TEAD1: variants seen among roughly 807,000 people sequenced by gnomAD.
TEAD1 encodes transcriptional enhancer factor TEF-1.
A neutral mutation model predicts 54.9 loss-of-function variants in TEAD1; 9 were observed. The observed-to-expected ratio is 0.16, with a 90% confidence interval of 0.10 to 0.29. The LOEUF is 0.29. TEAD1 is among the 10% of genes least tolerant of loss of function. The pLI is 1.00. For synonymous variants in TEAD1, 200 were observed against 187.8 expected (o/e 1.07, Z -0.53); for missense variants, 387 against 535.9 (o/e 0.72, Z 2.74).
At chr11:12,923,400 G>A (rs1004673653) in intron 10 of TEAD1, among the ~76,000 whole-genome samples, 26 of 152,106 alleles carry the variant, frequency 1.7e-4, no homozygotes, top group Admixed American at 2.6e-4. Flanking sequence ...ACTCCTCACC[G>A]TTTGTGCTCG....
At chr11:12,870,808 C>T (rs1377177010) in intron 5 of TEAD1, among the ~76,000 whole-genome samples, 1 of 152,150 alleles carries the variant, frequency 6.6e-6, no homozygotes, top group African/African-American at 2.4e-5. Flanking sequence ...GTTGCTTGAA[C>T]TTGGGAGGTG....
At chr11:12,755,371 C>T (rs79335457) in intron 2 of TEAD1, among the ~76,000 whole-genome samples, 4,020 of 152,194 alleles carry the variant, frequency 0.026, 188 homozygotes, top group African/African-American at 0.092. Context: ...GATGGTGAAT[C>T]GTACCAACTA....
intron 2 of TEAD1, among the ~76,000 whole-genome samples, chr11:12,712,230 A>C (rs898574424): frequency 3.3e-5 from 5 of 152,104 alleles, no homozygotes; most frequent in Non-Finnish European, 5.9e-5. Flanking sequence ...TGAGCTTCTT[A>C]TTGGAGCAAA....
At chr11:12,728,612 T>C (rs1944358829) in intron 2 of TEAD1, among the ~76,000 whole-genome samples, 1 of 152,214 alleles carries the variant, frequency 6.6e-6, no homozygotes. Context: ...GCTAGTCTTG[T>C]AATAGCGGCA....
At chr11:12,912,530 A>G (rs6486071) in intron 10 of TEAD1, among the ~76,000 whole-genome samples, 60,840 of 151,902 alleles carry the variant, frequency 0.4, 12,651 homozygotes, top group African/African-American at 0.52. Context: ...CCCCATGGCC[A>G]CTGGGGCTTA....
At chr11:12,893,787 G>T (rs536811466) in intron 9 of TEAD1, among the ~76,000 whole-genome samples, 1 of 152,356 alleles carries the variant, frequency 6.6e-6, no homozygotes, top group Admixed American at 6.5e-5. Flanking sequence ...AGAACGAGGG[G>T]CATGGGATGA....
At chr11:12,875,927 C>G (rs1947846005) in intron 5 of TEAD1, among the ~76,000 whole-genome samples, 1 of 152,206 alleles carries the variant, frequency 6.6e-6, no homozygotes, top group Admixed American at 6.5e-5. Context: ...TAATGTGCAA[C>G]TTTTAATTTT....
Position 12,941,277 on chromosome 11 carries a change from G to A in TEAD1, c.*4055G>A, listed in dbSNP as rs78118996. On this transcript the variant is annotated 3_prime_UTR_variant, in exon 13 of 13. Coordinates refer to ENST00000527636, the MANE Select transcript of TEAD1 (RefSeq NM_021961.6). The stretch of plus-strand genomic sequence containing the variant: ...TCCACAAGCAGGTAGGAAAGCTGGC[G>A]AGCCATTTTACTTCCTGAGGACAAT... 1.3e-5 allele frequency: 2 copies of A among 152,290 alleles called. No homozygotes were observed. The highest frequency in any genetic ancestry group is 3.9e-4 in the East Asian group (2 of 5,176). 9.4% of individuals were successfully genotyped at this position (152,290 alleles called of 1,614,324 possible). A position where few individuals can be genotyped will look rare whatever the true frequency, so the allele number is the denominator to read the frequency against.
chr11:12,862,214 G>T (rs748540907), intron 3 of TEAD1, 36 bp from the exon 4 acceptor site: 8 of 1,582,850 alleles, frequency 5.1e-6, no homozygotes, highest in Middle Eastern at 1.7e-4. Flanking sequence ...TGGTGTTTTG[G>T]TAACCCACCT....
chr11:12,745,748 A>T (rs932277337), intron 2 of TEAD1, among the ~76,000 whole-genome samples: 1 of 147,220 alleles, frequency 6.8e-6, no homozygotes, highest in Non-Finnish European at 1.5e-5. Context: ...ATTAATTGTT[A>T]AAAAAAAAAA....
At chr11:12,748,978 T>A (rs556665886) in intron 2 of TEAD1, among the ~76,000 whole-genome samples, 2 of 152,268 alleles carry the variant, frequency 1.3e-5, no homozygotes, top group African/African-American at 4.8e-5. Context: ...CCAGTTTACC[T>A]GAGAAACATC....
intron 3 of TEAD1, among the ~76,000 whole-genome samples, chr11:12,783,620 G>A (rs914114005): frequency 2.0e-5 from 3 of 152,138 alleles, no homozygotes; most frequent in Non-Finnish European, 2.9e-5. Flanking sequence ...TGGCTACTGC[G>A]TGGTGGAGCT....
chr11:12,785,387 C>T (rs1306463715), intron 3 of TEAD1, among the ~76,000 whole-genome samples: 1 of 152,194 alleles, frequency 6.6e-6, no homozygotes, highest in African/African-American at 2.4e-5. Context: ...GCTCTTTCCT[C>T]CTGTCCCACA....
chr11:12,725,537 T>C (rs1944294100), intron 2 of TEAD1, among the ~76,000 whole-genome samples: 1 of 152,160 alleles, frequency 6.6e-6, no homozygotes, highest in African/African-American at 2.4e-5. Context: ...TTCCCTGACT[T>C]GATCATTACA....
At chr11:12,747,860 G>T (rs142833711) in intron 2 of TEAD1, among the ~76,000 whole-genome samples, 79 of 152,228 alleles carry the variant, frequency 5.2e-4, no homozygotes, top group African/African-American at 1.8e-3. Context: ...GTAAGTGGAG[G>T]AATCAAAATT....
intron 2 of TEAD1, among the ~76,000 whole-genome samples, chr11:12,728,270 A>C (rs1944352243): frequency 6.6e-6 from 1 of 152,236 alleles, no homozygotes; most frequent in African/African-American, 2.4e-5. Context: ...TTGGTCAGTG[A>C]GACTGTGGAT....
chr11:12,838,589 A>C (rs1228992485), intron 3 of TEAD1, among the ~76,000 whole-genome samples: 1 of 152,208 alleles, frequency 6.6e-6, no homozygotes, highest in Non-Finnish European at 1.5e-5. Flanking sequence ...CATGTAAAAC[A>C]AAAGTTTATT....
chr11:12,804,753 C>T (rs971121422), intron 3 of TEAD1, among the ~76,000 whole-genome samples: 1 of 152,154 alleles, frequency 6.6e-6, no homozygotes, highest in Non-Finnish European at 1.5e-5. Flanking sequence ...ATACTGTATG[C>T]CAGGTACCTT....
chr11:12,910,073 C>T (rs1219750705), intron 10 of TEAD1, among the ~76,000 whole-genome samples: 1 of 152,150 alleles, frequency 6.6e-6, no homozygotes, highest in Non-Finnish European at 1.5e-5. Flanking sequence ...GATGGATTGC[C>T]AGTGACGTGG....
Sources: allele counts gnomAD v4.1 joint callset (sites outside exome capture counted in the v4.1 genomes callset), GRCh38; gene constraint gnomAD v4.1.1; transcripts MANE v1.5; gene names NCBI Gene and HGNC (gene_info 2026-07-23, HGNC 2026-07-21).